SCFD1: variants seen among roughly 807,000 people sequenced by gnomAD.
SCFD1 encodes the protein sec1 family domain-containing protein 1.
A neutral mutation model predicts 103.2 loss-of-function variants in SCFD1; 37 were observed. The ratio of observed to expected loss-of-function variants is 0.36; its 90% CI spans 0.28 to 0.47. SCFD1 has a LOEUF of 0.47. Among genes scored for constraint, SCFD1 ranks in the 20% least tolerant of loss-of-function variants. The pLI is 1.00. For missense variants in SCFD1, 639 were observed against 761.2 expected (o/e 0.84, Z 1.89); for synonymous variants, 264 against 245.0 (o/e 1.08, Z -0.73).
intron 11 of SCFD1, 142 bp downstream of exon 11, chr14:30,670,537 G>A: frequency 1.9e-6 from 1 of 533,156 alleles, no homozygotes; most frequent in Non-Finnish European, 3.2e-6. Context: ...ATAGTCTGTA[G>A]ATATTTGTCT....
intron 11 of SCFD1, among the ~76,000 whole-genome samples, chr14:30,672,138 T>G (rs1439241192): frequency 1.3e-5 from 2 of 152,188 alleles, no homozygotes; most frequent in Non-Finnish European, 2.9e-5. Flanking sequence ...TCAGAGATTT[T>G]GAGGATTATC....
intron 7 of SCFD1, among the ~76,000 whole-genome samples, chr14:30,649,167 T>C (rs992936441): frequency 6.6e-6 from 1 of 152,120 alleles, no homozygotes; most frequent in Non-Finnish European, 1.5e-5. Flanking sequence ...CTTGAAATTA[T>C]AAATCCTTTT....
intron 19 of SCFD1, among the ~76,000 whole-genome samples, chr14:30,709,913 A>G (rs1425268592): frequency 6.6e-6 from 1 of 152,218 alleles, no homozygotes; most frequent in Non-Finnish European, 1.5e-5. Context: ...TTCACATGTC[A>G]CTGTTAGAAG....
At chr14:30,652,104 A>C (rs1886447282) in intron 9 of SCFD1, among the ~76,000 whole-genome samples, 1 of 152,146 alleles carries the variant, frequency 6.6e-6, no homozygotes, top group Admixed American at 6.6e-5. Flanking sequence ...TGCCACTCTG[A>C]CTTTTTATCC....
At chr14:30,704,804 T>C (rs1442492372) in intron 17 of SCFD1, among the ~76,000 whole-genome samples, 1 of 152,244 alleles carries the variant, frequency 6.6e-6, no homozygotes. Context: ...AAAATGTCTA[T>C]GGTGTGCCAC....
chr14:30,658,066 T>A, intron 10 of SCFD1: 1 of 454,894 alleles, frequency 2.2e-6, no homozygotes, highest in Non-Finnish European at 4.4e-6. Flanking sequence ...TTCTTTTTTA[T>A]TATATCTTGG....
chr14:30,626,801 A>G (rs562769952), intron 1 of SCFD1, among the ~76,000 whole-genome samples: 13 of 152,288 alleles, frequency 8.5e-5, no homozygotes, highest in African/African-American at 2.9e-4. Flanking sequence ...TCGGCACAAC[A>G]GTATGTACAC....
intron 11 of SCFD1, 64 bp from the exon 12 acceptor site, chr14:30,673,193 A>T: frequency 1.5e-6 from 1 of 688,592 alleles, no homozygotes; most frequent in Non-Finnish European, 2.5e-6. Context: ...TATATATTTT[A>T]GAATTTACAC....
In SCFD1 at chr14:30,643,296, C is replaced by T. The variant is rs765127787; in HGVS notation, c.524-20C>T. On this transcript the variant is annotated intron_variant, in intron 6 of 24. Coordinates refer to ENST00000458591, the MANE Select transcript of SCFD1 (RefSeq NM_016106.4). ...CATAAGTTTGGGTCAACTTTTTCTC[C>T]TTTTCCTATGTCATTTTAGCCATTA... is the stretch of plus-strand genomic sequence containing the variant. 1.8e-5 allele frequency: 28 copies of T among 1,535,482 alleles called. No homozygotes were observed. The highest frequency in any genetic ancestry group is 1.8e-6 in the Non-Finnish European group (2 of 1,108,970).
At chr14:30,692,709 T>C (rs2139304254) in intron 14 of SCFD1, among the ~76,000 whole-genome samples, 1 of 152,348 alleles carries the variant, frequency 6.6e-6, no homozygotes, top group South Asian at 2.1e-4. Flanking sequence ...AAAGGTTAGC[T>C]GGATCAGAGG....
intron 23 of SCFD1, among the ~76,000 whole-genome samples, chr14:30,724,264 T>TTTG (rs1438290709): frequency 6.5e-5 from 9 of 138,814 alleles, no homozygotes; most frequent in African/African-American, 2.5e-4. Context: ...TTTTTTTTTT[T>TTTG]TTTTTTTTGA....
intron 15 of SCFD1, among the ~76,000 whole-genome samples, chr14:30,697,288 G>A (rs1316343167): frequency 6.6e-6 from 1 of 152,162 alleles, no homozygotes; most frequent in East Asian, 1.9e-4. Context: ...CTCCAAAAAT[G>A]ATGGAACTTG....
intron 23 of SCFD1, among the ~76,000 whole-genome samples, chr14:30,730,255 T>G (rs1401320010): frequency 2.0e-5 from 3 of 152,210 alleles, no homozygotes; most frequent in Non-Finnish European, 4.4e-5. Context: ...ATCCAGTCTA[T>G]CATTGATGGA....
chr14:30,651,993 C>T (rs1886437074), intron 9 of SCFD1, among the ~76,000 whole-genome samples: 1 of 152,066 alleles, frequency 6.6e-6, no homozygotes. Context: ...AGAAATTATC[C>T]AGCCCCAAAT....
rs201128777 is a variant in SCFD1 at position 30,653,524 on chromosome 14, A to G, written c.791A>G (p.Asn264Ser). 59 of 1,613,602 alleles carry G rather than the reference A, an allele frequency of 3.7e-5. No homozygotes were observed. The highest frequency in any genetic ancestry group is 4.9e-5 in the Non-Finnish European group (58 of 1,179,730). The stretch of plus-strand genomic sequence containing the variant: ...CCCTTATTAGTCCTTGTTGACAGAA[A>G]CATAGATTTGGCAACTCCTTTACAT... ...QRPLLVLVDR[N>S]IDLATPLHHT... is the part of the protein sequence containing the mutation. The change falls in exon 10 of 25, where the codon AAC becomes AGC. Residue 264 changes from asparagine to serine, a missense_variant. By Grantham distance (46) the Asn-to-Ser change is conservative. Coordinates refer to ENST00000458591, the MANE Select transcript of SCFD1 (RefSeq NM_016106.4).
chr14:30,657,201 C>A (rs779960545), intron 10 of SCFD1, among the ~76,000 whole-genome samples: 1 of 151,698 alleles, frequency 6.6e-6, no homozygotes, highest in Non-Finnish European at 1.5e-5. Context: ...TCTTCATTCC[C>A]CTGGATGGAG....
chr14:30,640,381 GTTA>G (rs1885151390), intron 6 of SCFD1, among the ~76,000 whole-genome samples: 1 of 152,022 alleles, frequency 6.6e-6, no homozygotes, highest in Admixed American at 6.6e-5. Context: ...TTTGACAACG[GTTA>G]TTATTCACAG....
intron 23 of SCFD1, among the ~76,000 whole-genome samples, chr14:30,734,182 A>G (rs569253469): frequency 1.4e-3 from 214 of 152,318 alleles, no homozygotes; most frequent in Non-Finnish European, 2.6e-3. Context: ...ACTTTTTTAT[A>G]TTACAAAAGA....
chr14:30,723,715 A>C (rs1892813887), intron 23 of SCFD1, among the ~76,000 whole-genome samples: 2 of 152,224 alleles, frequency 1.3e-5, no homozygotes, highest in South Asian at 2.1e-4. Flanking sequence ...ATGTCCCTGC[A>C]AAGAACATGA....
Sources: allele counts gnomAD v4.1 joint callset (sites outside exome capture counted in the v4.1 genomes callset), GRCh38; gene constraint gnomAD v4.1.1; transcripts MANE v1.5; gene names NCBI Gene and HGNC (gene_info 2026-07-23, HGNC 2026-07-21).